The following ADAMTS20 variants were observed in gnomAD, a reference collection of about 807,000 sequenced individuals.
The protein encoded by ADAMTS20 is ADAM metallopeptidase with thrombospondin type 1 motif 20.
A neutral mutation model predicts 260.1 loss-of-function variants in ADAMTS20; 225 were observed. The ratio of observed to expected loss-of-function variants is 0.87; its 90% CI spans 0.78 to 0.97. ADAMTS20 has a LOEUF of 0.97. ADAMTS20 is among the 50% of genes least tolerant of loss of function. The pLI is 0.00. For missense variants in ADAMTS20, 2,400 were observed against 2,337.7 expected (o/e 1.03, Z -0.55); for synonymous variants, 802 against 769.5 (o/e 1.04, Z -0.70).
chr12:43,423,836 T>C (rs1941279860), intron 28 of ADAMTS20: 2 of 713,088 alleles, frequency 2.8e-6, no homozygotes, highest in Non-Finnish European at 5.1e-6. Context: ...TAAATACATA[T>C]GTGAGTGCTT....
intron 29 of ADAMTS20, among the ~76,000 whole-genome samples, chr12:43,384,223 A>G (rs1246932284): frequency 6.6e-6 from 1 of 152,236 alleles, no homozygotes; most frequent in Non-Finnish European, 1.5e-5. Context: ...TATAGTAGAC[A>G]GCATCTCAAT....
chr12:43,462,151 CT>C (rs1396531216), intron 11 of ADAMTS20, among the ~76,000 whole-genome samples: 3 of 152,156 alleles, frequency 2.0e-5, no homozygotes, highest in Admixed American at 1.3e-4. Flanking sequence ...AGCAGTTTAT[CT>C]TTTTTGGCTA....
At chr12:43,486,170 T>C (rs1942519709) in intron 7 of ADAMTS20, among the ~76,000 whole-genome samples, 1 of 152,080 alleles carries the variant, frequency 6.6e-6, no homozygotes, top group Non-Finnish European at 1.5e-5. Context: ...ATACCCAACT[T>C]CAAACTATAC....
chr12:43,383,609 A>G lies in ADAMTS20; in HGVS notation c.4746T>C (p.Asn1582=). The part of the protein sequence containing the change: ...NSSTISLTSK[N]CRNPPCNYIV... ...TGTAATTGCAAGGAGGGTTCCTGCA[A>G]TTCTTGGATGTAAGAGATATGGTTG... Residue 1582 remains asparagine (N), a synonymous_variant, in exon 31 of 39, where the codon AAT becomes AAC. Coordinates refer to ENST00000389420, the MANE Select transcript of ADAMTS20 (RefSeq NM_025003.5). 1 of 1,613,714 alleles carries G rather than the reference A, an allele frequency of 6.2e-7. No individual in the cohort carries two copies. Among genetic ancestry groups the G allele is most frequent in the Non-Finnish European group, 8.5e-7 (1 of 1,179,780 alleles).
intron 4 of ADAMTS20, among the ~76,000 whole-genome samples, chr12:43,501,184 G>A (rs1299891919): frequency 3.4e-5 from 5 of 148,608 alleles, no homozygotes; most frequent in East Asian, 2.1e-4. Flanking sequence ...ACAGCCTCCC[G>A]AGTAGCTGGG....
At chr12:43,473,221 A>T (rs2137397899) in intron 7 of ADAMTS20, among the ~76,000 whole-genome samples, 1 of 56,208 alleles carries the variant, frequency 1.8e-5, no homozygotes, top group East Asian at 7.7e-4. Context: ...CAACCAACAA[A>T]GATCAAAAGA....
chr12:43,516,823 A>G lies in ADAMTS20; in HGVS notation c.614-14418T>C, dbSNP rs145165903. ...AAGAAAATTACAAACTAAATTTTTT[A>G]CTCTTGAACATAGATGCAAAAATTC... is the stretch of plus-strand genomic sequence containing the variant. On this transcript the variant is annotated intron_variant, in intron 3 of 38. Coordinates refer to ENST00000389420, the MANE Select transcript of ADAMTS20 (RefSeq NM_025003.5). Among the ~76,000 whole-genome samples the G allele has an allele frequency of 7.9e-5, 12 of 152,220 alleles. No individual in the cohort carries two copies. In the East Asian group the frequency reaches 2.3e-3, roughly 29 times the overall value.
chr12:43,511,753 T>C (rs1392931270), intron 3 of ADAMTS20, among the ~76,000 whole-genome samples: 2 of 152,152 alleles, frequency 1.3e-5, no homozygotes, highest in Non-Finnish European at 2.9e-5. Context: ...ATTGATATAA[T>C]GCTCTATATT....
intron 2 of ADAMTS20, among the ~76,000 whole-genome samples, chr12:43,537,787 C>T (rs565802256): frequency 6.6e-6 from 1 of 152,192 alleles, no homozygotes; most frequent in Non-Finnish European, 1.5e-5. Flanking sequence ...ATGTGCCTGG[C>T]TTATTTCATT....
intron 7 of ADAMTS20, among the ~76,000 whole-genome samples, chr12:43,487,478 T>C (rs887171313): frequency 6.6e-6 from 1 of 152,092 alleles, no homozygotes; most frequent in Non-Finnish European, 1.5e-5. Flanking sequence ...TTAGGTACAA[T>C]GTACACTACT....
At chr12:43,474,349 A>C (rs1942314933) in intron 7 of ADAMTS20, among the ~76,000 whole-genome samples, 1 of 149,326 alleles carries the variant, frequency 6.7e-6, no homozygotes, top group Admixed American at 6.7e-5. Context: ...AATAATCAAT[A>C]GTTTACCAAC....
intron 2 of ADAMTS20, among the ~76,000 whole-genome samples, 179 bp from the exon 3 acceptor site, chr12:43,532,374 T>A (rs562366315): frequency 3.3e-5 from 5 of 152,178 alleles, no homozygotes; most frequent in Admixed American, 3.3e-4. Flanking sequence ...TCTCCACTCC[T>A]ATACATAAAG....
At position 43,551,794 on chromosome 12, in the gene ADAMTS20, C is replaced by T; in HGVS notation, c.91+37G>A. 1 of 1,606,582 alleles carries T rather than the reference C, an allele frequency of 6.2e-7. No individual in the cohort carries two copies. Among genetic ancestry groups the T allele is most frequent in the Non-Finnish European group, 8.5e-7 (1 of 1,174,442 alleles). On this transcript the variant is annotated intron_variant, in intron 1 of 38. Transcript: ENST00000389420. The surrounding 1 kb of genome is among the most constrained non-coding windows in gnomAD (Gnocchi z 4.6). Reference sequence around the variant, plus strand: ...CATGTCCCACTCGGGCCCCGCGCCCCCACTTAGCCGCTGAAGGCGTCTCGC... The same window carrying T: ...CATGTCCCACTCGGGCCCCGCGCCCTCACTTAGCCGCTGAAGGCGTCTCGC...
chr12:43,381,035 G>T (rs556010877), intron 31 of ADAMTS20, among the ~76,000 whole-genome samples: 2 of 152,216 alleles, frequency 1.3e-5, no homozygotes, highest in East Asian at 3.9e-4. Flanking sequence ...TATATTGATA[G>T]GCATATAGAT....
chr12:43,477,194 A>T (rs1387982130), intron 7 of ADAMTS20, among the ~76,000 whole-genome samples: 1 of 152,148 alleles, frequency 6.6e-6, no homozygotes, highest in African/African-American at 2.4e-5. Flanking sequence ...AGAAAGCTAT[A>T]AAACCATAAT....
In ADAMTS20 at chr12:43,431,533, A is replaced by G. The variant is rs1339237781; in HGVS notation, c.3097-37T>C. On this transcript the variant is annotated intron_variant, in intron 21 of 38. Coordinates refer to ENST00000389420, the MANE Select transcript of ADAMTS20 (RefSeq NM_025003.5). ...AAACTGATCATTATTTATTTGCAGC[A>G]TTAGTCAACACAAATGCCTTAAACT... is the stretch of plus-strand genomic sequence containing the variant. The G allele has an allele frequency of 1.9e-6, 3 of 1,609,438 alleles. No individual in the cohort carries two copies. The East Asian group carries it at 6.7e-5, about 36-fold the overall frequency.
At chr12:43,540,630 T>C (rs973687497) in intron 2 of ADAMTS20, among the ~76,000 whole-genome samples, 1 of 47,794 alleles carries the variant, frequency 2.1e-5, no homozygotes, top group East Asian at 8.5e-4. Context: ...AGCAAGGAAT[T>C]AGCAGACTTA....
At chr12:43,366,336 A>C (rs1939985772) in intron 37 of ADAMTS20, among the ~76,000 whole-genome samples, 1 of 151,918 alleles carries the variant, frequency 6.6e-6, no homozygotes, top group Non-Finnish European at 1.5e-5. Flanking sequence ...AATGAAACAA[A>C]ACAAAATACA....
At chr12:43,495,620 T>G (rs1300105276) in intron 4 of ADAMTS20, among the ~76,000 whole-genome samples, 1 of 152,220 alleles carries the variant, frequency 6.6e-6, no homozygotes, top group Non-Finnish European at 1.5e-5. Context: ...ATTGCTTTAT[T>G]ATCTCTTTTA....
Sources: allele counts gnomAD v4.1 joint callset (sites outside exome capture counted in the v4.1 genomes callset), GRCh38; gene constraint gnomAD v4.1.1; non-coding constraint Gnocchi (gnomAD v3.1); transcripts MANE v1.5; gene names NCBI Gene and HGNC (gene_info 2026-07-23, HGNC 2026-07-21).